Variants in GSE1 observed in about 807,000 individuals in gnomAD.
GSE1 encodes genetic suppressor element 1.
GSE1 carries 32 observed loss-of-function variants against 112.6 expected under a neutral mutation model. That is an observed-to-expected ratio of 0.28 (90% CI 0.21 to 0.38). GSE1 has a LOEUF of 0.38. Ranked by LOEUF, GSE1 falls within the 10% of genes least tolerant of loss-of-function variation. The pLI is 1.00. For synonymous variants in GSE1, 1,115 were observed against 735.6 expected, an observed-to-expected ratio of 1.52 and a Z score of -8.35; for missense variants, 2,348 against 1,699.2, an observed-to-expected ratio of 1.38 and a Z score of -6.71.
At chr16:85,349,602 C>G (rs2046812257) in intron 1 of GSE1, among the ~76,000 whole-genome samples, 1 of 152,062 alleles carries the variant, frequency 6.6e-6, no homozygotes, top group Non-Finnish European at 1.5e-5. Context: ...CCCTCCCTAG[C>G]CAATGCACAC....
intron 2 of GSE1, among the ~76,000 whole-genome samples, chr16:85,390,742 C>A (rs1174275772): frequency 1.7e-5 from 2 of 119,516 alleles, no homozygotes; most frequent in African/African-American, 6.1e-5. Flanking sequence ...GCTCTGGGAG[C>A]CTGGCCCCAG....
chr16:85,573,232 C>T lies in GSE1; in HGVS notation c.37+16869C>T, dbSNP rs1004464651. On this transcript the variant is annotated intron_variant, in intron 1 of 2. Coordinates refer to the GSE1 transcript ENST00000635906. ...CAGGCTGGCCTCGAAGTCCTGGACT[C>T]AAGCCATGTTCACTTTCTGAGTAGC... 1.3e-5 allele frequency among the ~76,000 whole-genome samples: 2 copies of T among 152,240 alleles called. 1 individual carries two copies. The highest frequency in any genetic ancestry group is 4.1e-4 in the South Asian group (2 of 4,820).
At chr16:85,613,149 T>G (rs991623768), upstream of GSE1, 1 of 1,291,338 alleles carries the variant, frequency 7.7e-7, no homozygotes, top group East Asian at 3.2e-5. Context: ...CACCTCCCGC[T>G]GGCTGAGGTC....
intron 1 of GSE1, among the ~76,000 whole-genome samples, chr16:85,282,195 T>C (rs901236288): frequency 6.1e-4 from 93 of 152,116 alleles, no homozygotes; most frequent in African/African-American, 2.2e-3. Context: ...GCCCAGTTAA[T>C]GTTTGTATTT....
intron 1 of GSE1, among the ~76,000 whole-genome samples, chr16:85,564,971 G>A (rs1378150505): frequency 6.6e-6 from 1 of 152,108 alleles, no homozygotes; most frequent in Non-Finnish European, 1.5e-5. Context: ...GCCAGGGGAT[G>A]GTGAAGTGTG....
At chr16:85,422,153 A>C (rs1212316334) in intron 2 of GSE1, among the ~76,000 whole-genome samples, 2 of 149,064 alleles carry the variant, frequency 1.3e-5, no homozygotes, top group Non-Finnish European at 1.5e-5. Context: ...CTCGCACCCC[A>C]CCTCGGCCCC....
intron 1 of GSE1, among the ~76,000 whole-genome samples, chr16:85,346,301 A>G (rs901745211): frequency 5.4e-5 from 8 of 148,604 alleles, no homozygotes; most frequent in Non-Finnish European, 1.2e-4. Context: ...TGAATAGTGG[A>G]TGGGTGGATG....
chr16:85,181,825 C>A (rs561628248), intron 1 of GSE1, among the ~76,000 whole-genome samples: 1 of 152,330 alleles, frequency 6.6e-6, no homozygotes, highest in African/African-American at 2.4e-5. Flanking sequence ...ACCTGGATGG[C>A]AGCTGAGGGT....
intron 2 of GSE1, among the ~76,000 whole-genome samples, chr16:85,402,604 G>A (rs965514296): frequency 2.6e-5 from 4 of 152,208 alleles, no homozygotes; most frequent in Non-Finnish European, 5.9e-5. Flanking sequence ...CGCTGGGCCT[G>A]CCAGTTACCT....
chr16:85,444,128 G>T (rs1331433644), intron 2 of GSE1, among the ~76,000 whole-genome samples: 1 of 151,966 alleles, frequency 6.6e-6, no homozygotes, highest in African/African-American at 2.4e-5. Flanking sequence ...GGGACTACAG[G>T]CACATGCCAC....
At chr16:85,361,009 G>A (rs988943806) in intron 2 of GSE1, among the ~76,000 whole-genome samples, 2 of 151,724 alleles carry the variant, frequency 1.3e-5, no homozygotes, top group Admixed American at 6.6e-5. Flanking sequence ...AAACATCCTC[G>A]CATAGGTGGA....
Position 85,419,729 on chromosome 16 carries a change from C to G in GSE1, c.2464+62086C>G, listed in dbSNP as rs910840977. Among the ~76,000 whole-genome samples the G allele has an allele frequency of 1.3e-5, 2 of 152,194 alleles. No individual in the cohort carries two copies. The highest frequency in any genetic ancestry group is 2.9e-5 in the Non-Finnish European group (2 of 68,028). On this transcript the variant is annotated intron_variant, in intron 2 of 2. Transcript: ENST00000637419. The surrounding 1 kb of genome is among the most constrained non-coding windows in gnomAD (Gnocchi z 6.5). ...GCACGTTGGAATCAGCTGGGGATCTCTAAAAACCCCTCTGATGCCTGCCTC... is the reference window on the plus strand; with the variant it reads ...GCACGTTGGAATCAGCTGGGGATCTGTAAAAACCCCTCTGATGCCTGCCTC...
At chr16:85,443,246 A>C (rs1305045945) in intron 2 of GSE1, among the ~76,000 whole-genome samples, 1 of 152,192 alleles carries the variant, frequency 6.6e-6, no homozygotes, top group East Asian at 1.9e-4. Flanking sequence ...TCCTCAGCAC[A>C]CCATGGCCCG....
In GSE1 at chr16:85,586,171, C is replaced by A. The variant is rs531760605; in HGVS notation, c.37+29808C>A. On this transcript the variant is annotated intron_variant, in intron 1 of 2. Transcript: ENST00000635906. The stretch of plus-strand genomic sequence containing the variant: ...AGATTTCCCCTTGTTAGAAGGACTC[C>A]AGTCAGTGGGTTCAGGCCCACCCTA... 7.1e-4 allele frequency among the ~76,000 whole-genome samples: 108 copies of A among 152,326 alleles called. 1 individual carries two copies. Among genetic ancestry groups the A allele is most frequent in the African/African-American group, 2.5e-3 (103 of 41,578 alleles).
At chr16:85,601,291 C>T (rs1348485277) in intron 1 of GSE1, among the ~76,000 whole-genome samples, 1 of 151,836 alleles carries the variant, frequency 6.6e-6, no homozygotes, top group Non-Finnish European at 1.5e-5. Flanking sequence ...GGGAGGGGAG[C>T]AGCCCCAGGA....
intron 1 of GSE1, among the ~76,000 whole-genome samples, chr16:85,176,652 G>A (rs979486004): frequency 2.6e-5 from 4 of 152,256 alleles, no homozygotes; most frequent in South Asian, 4.1e-4. Flanking sequence ...GGTTAATGGC[G>A]CATGCAGCTG....
intron 9 of GSE1, 186 bp from the exon 10 acceptor site, chr16:85,662,795 C>T: frequency 1.7e-6 from 1 of 573,228 alleles, no homozygotes; most frequent in East Asian, 2.9e-5. Context: ...TGTCTGCGGT[C>T]CTGCAAAGCC....
intron 2 of GSE1, among the ~76,000 whole-genome samples, chr16:85,483,051 A>G (rs559827301): frequency 1.3e-5 from 2 of 152,144 alleles, no homozygotes; most frequent in Admixed American, 6.5e-5. Context: ...TTCCACACAT[A>G]AGGACTTCAC....
At chr16:85,327,322 G>C (rs934526842) in intron 1 of GSE1, among the ~76,000 whole-genome samples, 3 of 152,202 alleles carry the variant, frequency 2.0e-5, no homozygotes, top group Non-Finnish European at 4.4e-5. Flanking sequence ...AGGTTCTAAG[G>C]CCGGATGCGG....
Sources: gnomAD v4.1 joint callset for allele counts (sites outside exome capture counted in the v4.1 genomes callset) on GRCh38, gnomAD v4.1.1 for gene constraint, Gnocchi (gnomAD v3.1) non-coding constraint, MANE v1.5 for transcripts, NCBI Gene and HGNC (gene_info 2026-07-23, HGNC 2026-07-21) for gene names.